CHRM3: variants seen among roughly 807,000 people sequenced by gnomAD.
CHRM3 encodes the protein muscarinic acetylcholine receptor M3.
CHRM3 carries 11 observed loss-of-function variants against 41.8 expected under a neutral mutation model. That is an observed-to-expected ratio of 0.26 (90% CI 0.17 to 0.44). The LOEUF (loss-of-function observed/expected upper bound fraction) is 0.44, where lower values mean the gene tolerates loss of function less well. CHRM3 is among the 20% of genes least tolerant of loss of function. The pLI, the probability that CHRM3 is intolerant of heterozygous loss-of-function variation, is 1.00. For missense variants in CHRM3, 571 were observed against 745.4 expected (o/e 0.77, Z 2.72); for synonymous variants, 297 against 301.4 (o/e 0.99, Z 0.15).
intron 1 of CHRM3, among the ~76,000 whole-genome samples, chr1:239,431,497 A>C (rs569868604): frequency 6.6e-6 from 1 of 152,340 alleles, no homozygotes; most frequent in African/African-American, 2.4e-5. Context: ...AAAAGCTATT[A>C]TATGTGGACT....
intron 3 of CHRM3, among the ~76,000 whole-genome samples, chr1:239,573,195 T>G (rs932255638): frequency 5.9e-5 from 9 of 152,164 alleles, no homozygotes; most frequent in Admixed American, 6.5e-5. Context: ...TTTTGCAACT[T>G]TGGCTGTCAC....
chr1:239,581,324 T>C (rs1662880220), intron 3 of CHRM3, among the ~76,000 whole-genome samples: 1 of 152,036 alleles, frequency 6.6e-6, no homozygotes, highest in Non-Finnish European at 1.5e-5. Flanking sequence ...CTTTTTCAGA[T>C]GGGGAAATTA....
intron 1 of CHRM3, among the ~76,000 whole-genome samples, chr1:239,431,282 T>C (rs1208923041): frequency 1.3e-5 from 2 of 152,142 alleles, no homozygotes; most frequent in Non-Finnish European, 1.5e-5. Context: ...ATATAGTAGA[T>C]TTTTTGTTCT....
chr1:239,449,691 T>C (rs1351484053), intron 1 of CHRM3, among the ~76,000 whole-genome samples: 1 of 152,096 alleles, frequency 6.6e-6, no homozygotes, highest in Non-Finnish European at 1.5e-5. Flanking sequence ...AGCTGAGACC[T>C]AATTTTCTCA....
At position 239,417,579 on chromosome 1, in the gene CHRM3, G is replaced by GTTT. The variant is rs34926014; in HGVS notation, c.-521+30367_-521+30369dup. 4.5e-3 allele frequency among the ~76,000 whole-genome samples: 554 copies of GTTT among 122,608 alleles called. 12 individuals are homozygous for GTTT. Among genetic ancestry groups the GTTT allele is most frequent in the African/African-American group, 9.7e-3 (321 of 32,928 alleles). 80.4% of individuals were successfully genotyped at this position (122,608 alleles called of 152,430 possible). A position where few individuals can be genotyped will look rare whatever the true frequency, so the allele number is the denominator to read the frequency against. On this transcript the variant is annotated intron_variant, in intron 1 of 6. Transcript: ENST00000676153. ...TTGAGAAAATAGGTAAGATTAATTT[G>GTTT]TTTTTTTTTTTTTTTTTGCTTTTTC...
At chr1:239,592,113 A>C (rs762879299) in intron 3 of CHRM3, among the ~76,000 whole-genome samples, 1 of 152,208 alleles carries the variant, frequency 6.6e-6, no homozygotes, top group Non-Finnish European at 1.5e-5. Context: ...GAGCTTATTC[A>C]TTTGAATTAG....
intron 6 of CHRM3, among the ~76,000 whole-genome samples, chr1:239,885,908 C>A (rs565454349): frequency 6.6e-6 from 1 of 152,282 alleles, no homozygotes; most frequent in South Asian, 2.1e-4. Flanking sequence ...TGGGAATTAA[C>A]CTTTCTCTGA....
chr1:239,413,880 A>G (rs1661298810), intron 1 of CHRM3, among the ~76,000 whole-genome samples: 1 of 152,196 alleles, frequency 6.6e-6, no homozygotes. Context: ...TTTGTTTTTC[A>G]TTGTGATTGT....
intron 5 of CHRM3, chr1:239,730,434 CT>C (rs2148416058): frequency 6.6e-6 from 1 of 152,028 alleles, no homozygotes; most frequent in South Asian, 2.1e-4. Flanking sequence ...CTGTAGCAGG[CT>C]ATGGGAATAC....
intron 4 of CHRM3, among the ~76,000 whole-genome samples, chr1:239,668,997 G>A (rs184371423): frequency 1.7e-4 from 26 of 152,180 alleles, no homozygotes; most frequent in East Asian, 1.2e-3. Context: ...TTCTTTCTGC[G>A]TCCTTAATCA....
At chr1:239,736,749 G>A (rs1020902996) in intron 5 of CHRM3, among the ~76,000 whole-genome samples, 1 of 152,148 alleles carries the variant, frequency 6.6e-6, no homozygotes, top group East Asian at 1.9e-4. Context: ...TGCACTGGCA[G>A]CATTGTGTTG....
At chr1:239,403,976 G>GGGGAGAGAGAGAGAGAGA (rs1417317293) in intron 1 of CHRM3, among the ~76,000 whole-genome samples, 13 of 46,506 alleles carry the variant, frequency 2.8e-4, no homozygotes, top group East Asian at 1.6e-3. Flanking sequence ...AGAGGGAGGG[G>GGGGAGAGAGAGAGAGAGA]GAGAGAGAGA....
At chr1:239,526,292 C>T (rs573064958) in intron 2 of CHRM3, among the ~76,000 whole-genome samples, 2 of 152,266 alleles carry the variant, frequency 1.3e-5, no homozygotes, top group East Asian at 3.9e-4. Context: ...TCATCTCCTA[C>T]TTGTATGCTT....
In CHRM3 at chr1:239,696,361, G is replaced by A. The variant is rs182331852; in HGVS notation, c.-147+18073G>A. 1.5e-3 allele frequency among the ~76,000 whole-genome samples: 232 copies of A among 152,256 alleles called. 1 individual carries two copies. The highest frequency in any genetic ancestry group is 5.2e-3 in the African/African-American group (216 of 41,552). On this transcript the variant is annotated intron_variant, in intron 5 of 6. Coordinates refer to ENST00000676153, the MANE Select transcript of CHRM3 (RefSeq NM_001375978.1). The stretch of plus-strand genomic sequence containing the variant: ...ACTGTAAAGTACTATAAAAATTTGC[G>A]CTGTCATCTGAGTGACAGTGTAGAT...
intron 3 of CHRM3, among the ~76,000 whole-genome samples, chr1:239,581,956 C>T (rs1382318132): frequency 2.0e-5 from 3 of 152,162 alleles, no homozygotes; most frequent in African/African-American, 7.2e-5. Flanking sequence ...TTTTTCATCT[C>T]TGCCATGATG....
intron 4 of CHRM3, among the ~76,000 whole-genome samples, chr1:239,662,522 G>A (rs1558430958): frequency 6.6e-6 from 1 of 152,070 alleles, no homozygotes; most frequent in East Asian, 1.9e-4. Context: ...TAATTTTTCT[G>A]TTGAGAACAG....
At chr1:239,656,167 G>A (rs113076690) in intron 4 of CHRM3, among the ~76,000 whole-genome samples, 2 of 125,166 alleles carry the variant, frequency 1.6e-5, no homozygotes, top group South Asian at 2.4e-4. Flanking sequence ...AGGGAAGGAA[G>A]GGGGGGAAAG....
intron 4 of CHRM3, among the ~76,000 whole-genome samples, chr1:239,675,329 T>G (rs1460929500): frequency 6.6e-6 from 1 of 152,254 alleles, no homozygotes; most frequent in African/African-American, 2.4e-5. Flanking sequence ...ACTTTTTGAC[T>G]TGTTTTTCTG....
rs758413973 is a variant in CHRM3 at position 239,874,285 on chromosome 1, GTATATATATATATATATATATATATATA to G, written c.-19-33133_-19-33106del. Among the ~76,000 whole-genome samples, 71 of 83,254 alleles carry G rather than the reference GTATATATATATATATATATATATATATA, an allele frequency of 8.5e-4. 2 individuals carry two copies. The highest frequency in any genetic ancestry group is 3.3e-3 in the African/African-American group (55 of 16,436). 54.6% of individuals were successfully genotyped at this position (83,254 alleles called of 152,430 possible). Reference sequence around the variant, plus strand: ...AGACCTATATATATCTATATACACAGTATATATATATATATATATATATATATATATATATATATATACACAGTTGACC... The same window carrying G: ...AGACCTATATATATCTATATACACAGTATATATATATATACACAGTTGACC... On this transcript the variant is annotated intron_variant, in intron 6 of 6. Transcript: ENST00000676153.
Sources: allele counts gnomAD v4.1 joint callset (sites outside exome capture counted in the v4.1 genomes callset), GRCh38; gene constraint gnomAD v4.1.1; transcripts MANE v1.5; gene names NCBI Gene and HGNC (gene_info 2026-07-23, HGNC 2026-07-21).